Variants in QTMAN observed in about 807,000 individuals in gnomAD.
QTMAN encodes the protein tRNA-queuosine alpha-mannosyltransferase.
the QTMAN span, among the ~76,000 whole-genome samples, chr2:144,275,361 G>C: frequency 6.6e-6 from 1 of 150,716 alleles, no homozygotes; most frequent in African/African-American, 2.4e-5. Flanking sequence ...TCCAGCCTGG[G>C]CAACAGAGTG....
At chr2:144,331,838 T>C in the QTMAN span, among the ~76,000 whole-genome samples, 1 of 152,110 alleles carries the variant, frequency 6.6e-6, no homozygotes, top group East Asian at 1.9e-4. Flanking sequence ...GTCTTCACAC[T>C]CGGCTGGCAG....
chr2:143,950,418 T>C, the QTMAN span, among the ~76,000 whole-genome samples: 2 of 151,750 alleles, frequency 1.3e-5, no homozygotes, highest in Non-Finnish European at 3.0e-5. Flanking sequence ...CTTTTCTTAC[T>C]AGAGGCAACT....
the QTMAN span, among the ~76,000 whole-genome samples, chr2:144,034,257 A>T: frequency 7.2e-5 from 11 of 152,340 alleles, no homozygotes; most frequent in Non-Finnish European, 1.0e-4. Context: ...TAGTAATGCA[A>T]GACTAGCTTC....
chr2:144,107,915 T>G, the QTMAN span, among the ~76,000 whole-genome samples: 1 of 152,188 alleles, frequency 6.6e-6, no homozygotes, highest in Non-Finnish European at 1.5e-5. Context: ...CATGATCAAG[T>G]GGGCTTCATC....
the QTMAN span, among the ~76,000 whole-genome samples, chr2:144,192,351 C>A: frequency 2.0e-5 from 3 of 152,124 alleles, no homozygotes; most frequent in Non-Finnish European, 4.4e-5. Context: ...CAGTGATCCA[C>A]CTGCCTCAGC....
chr2:143,985,886 G>C, the QTMAN span, among the ~76,000 whole-genome samples: 3 of 152,158 alleles, frequency 2.0e-5, no homozygotes, highest in South Asian at 2.1e-4. Flanking sequence ...TTAAAAGCTA[G>C]TGCATAGGTT....
At chr2:144,287,486 T>A in the QTMAN span, among the ~76,000 whole-genome samples, 7 of 151,638 alleles carry the variant, frequency 4.6e-5, no homozygotes, top group African/African-American at 1.7e-4. Context: ...GAACATAATA[T>A]GTTCTTTGAT....
the QTMAN span, among the ~76,000 whole-genome samples, chr2:144,000,862 C>T: frequency 1.3e-5 from 2 of 151,952 alleles, no homozygotes; most frequent in African/African-American, 2.4e-5. Flanking sequence ...TGAAATAGAA[C>T]AAAGAACATT....
the QTMAN span, among the ~76,000 whole-genome samples, chr2:144,302,196 C>T: frequency 6.6e-5 from 10 of 151,860 alleles, no homozygotes; most frequent in Non-Finnish European, 5.9e-5. Flanking sequence ...CTTGTGTTTA[C>T]CCCATGCCAC....
At chr2:144,151,807 C>G in the QTMAN span, among the ~76,000 whole-genome samples, 7 of 152,116 alleles carry the variant, frequency 4.6e-5, no homozygotes, top group Admixed American at 4.6e-4. Context: ...TTCTAATATT[C>G]ATTAATCATC....
At chr2:144,182,840 T>TTATATATATAA in the QTMAN span, among the ~76,000 whole-genome samples, 12 of 64,518 alleles carry the variant, frequency 1.9e-4, no homozygotes, top group African/African-American at 3.9e-4. Flanking sequence ...TATATATATA[T>TTATATATATAA]TATATATATA....
At chr2:144,297,637 G>A in the QTMAN span, among the ~76,000 whole-genome samples, 5 of 144,068 alleles carry the variant, frequency 3.5e-5, no homozygotes, top group Middle Eastern at 3.8e-3. Context: ...CTGGAGTGCA[G>A]TGGCGCAATC....
chr2:144,198,039 C>T, the QTMAN span, among the ~76,000 whole-genome samples: 2 of 152,086 alleles, frequency 1.3e-5, no homozygotes, highest in Non-Finnish European at 2.9e-5. Flanking sequence ...CCAATCTGGG[C>T]AACACAGCAA....
At chr2:144,236,545 C>T in the QTMAN span, among the ~76,000 whole-genome samples, 1 of 150,854 alleles carries the variant, frequency 6.6e-6, no homozygotes, top group Admixed American at 6.6e-5. Context: ...GGAAACTTTT[C>T]CTGTTCTGTG....
chr2:144,034,659 A>G, the QTMAN span, among the ~76,000 whole-genome samples: 1 of 152,188 alleles, frequency 6.6e-6, no homozygotes, highest in Non-Finnish European at 1.5e-5. Flanking sequence ...GAATTTGCCA[A>G]TGTTCCTCCT....
At chr2:144,105,282 A>T in the QTMAN span, among the ~76,000 whole-genome samples, 2 of 152,362 alleles carry the variant, frequency 1.3e-5, no homozygotes, top group East Asian at 3.9e-4. Context: ...TGAGAGAAGA[A>T]GGCTTCAGAT....
At chr2:143,952,970 G>A in the QTMAN span, 596 of 639,958 alleles carry the variant, frequency 9.3e-4, 3 homozygotes, top group East Asian at 0.014. Context: ...AAACATGGTC[G>A]GCAGTATAAT....
the QTMAN span, among the ~76,000 whole-genome samples, chr2:144,125,017 T>G: frequency 6.6e-6 from 1 of 152,122 alleles, no homozygotes; most frequent in Non-Finnish European, 1.5e-5. Flanking sequence ...CCCAGGAAAC[T>G]AGCAGCCAAG....
the QTMAN span, among the ~76,000 whole-genome samples, chr2:144,281,649 G>A: frequency 6.6e-6 from 1 of 152,072 alleles, no homozygotes; most frequent in Non-Finnish European, 1.5e-5. Context: ...CTATTAGAGT[G>A]GGTGGGTCCT....
Sources: allele counts gnomAD v4.1 joint callset (sites outside exome capture counted in the v4.1 genomes callset), GRCh38; gene constraint gnomAD v4.1.1; transcripts MANE v1.5; gene names NCBI Gene and HGNC (gene_info 2026-07-23, HGNC 2026-07-21).